The following PDE4D variants were observed in gnomAD, a reference collection of about 807,000 sequenced individuals.
PDE4D encodes the protein phosphodiesterase 4D.
Under a neutral mutation model 87.4 loss-of-function variants are expected in PDE4D, and 24 were observed. The ratio of observed to expected loss-of-function variants is 0.27; its 90% confidence interval spans 0.20 to 0.39. The LOEUF is 0.39. Ranked by LOEUF, PDE4D falls within the 10% of genes least tolerant of loss-of-function variation. The probability of loss-of-function intolerance (pLI) is 1.00; values close to 1 mark genes in which losing one functional copy is unlikely to be tolerated. For synonymous variants in PDE4D, 384 were observed against 383.2 expected (o/e 1.00, Z -0.02); for missense variants, 714 against 1,041.0 (o/e 0.69, Z 4.32).
chr5:59,522,197 T>A (rs1265706110), intron 1 of PDE4D, among the ~76,000 whole-genome samples: 1 of 152,226 alleles, frequency 6.6e-6, no homozygotes, highest in African/African-American at 2.4e-5. Context: ...ATGGCTATCA[T>A]TTAAATATTT....
At chr5:60,407,290 C>T (rs1485987417) in intron 1 of PDE4D, among the ~76,000 whole-genome samples, 1 of 151,920 alleles carries the variant, frequency 6.6e-6, no homozygotes, top group Non-Finnish European at 1.5e-5. Context: ...CATCAAAACA[C>T]TCTAGCTGCA....
chr5:59,417,892 G>A (rs1400129729), intron 1 of PDE4D, among the ~76,000 whole-genome samples: 3 of 152,130 alleles, frequency 2.0e-5, no homozygotes, highest in African/African-American at 4.8e-5. Context: ...ACCATTCCAC[G>A]TTAGGCCCTA....
At chr5:60,308,183 A>T (rs1754677191) in intron 1 of PDE4D, among the ~76,000 whole-genome samples, 5 of 152,254 alleles carry the variant, frequency 3.3e-5, no homozygotes, top group Admixed American at 3.3e-4. Flanking sequence ...CCATTGAGAA[A>T]AAAGAGAATA....
chr5:59,861,679 A>C (rs1352696580), intron 1 of PDE4D, among the ~76,000 whole-genome samples: 1 of 152,216 alleles, frequency 6.6e-6, no homozygotes, highest in African/African-American at 2.4e-5. Context: ...ACAGTGTTGG[A>C]CAAAAACTTC....
intron 1 of PDE4D, among the ~76,000 whole-genome samples, chr5:60,340,885 G>GAA (rs11392354): frequency 1.3e-5 from 2 of 151,810 alleles, no homozygotes; most frequent in African/African-American, 2.4e-5. Flanking sequence ...ATAGAAAAAA[G>GAA]AAAAAATAAT....
At chr5:60,473,173 AAGGAAGG>A (rs1747979388) in intron 1 of PDE4D, among the ~76,000 whole-genome samples, 1 of 137,848 alleles carries the variant, frequency 7.3e-6, no homozygotes, top group Non-Finnish European at 1.6e-5. Flanking sequence ...GGAAGGAAGG[AAGGAAGG>A]AAAAAGAAAG....
At chr5:58,989,944 C>T in intron 9 of PDE4D, 25 bp from the exon 10 acceptor site, 2 of 1,411,570 alleles carry the variant, frequency 1.4e-6, no homozygotes, top group Non-Finnish European at 2.0e-6. Flanking sequence ...ATCATCTTAA[C>T]ATTTTTGTCT....
At chr5:59,740,800 TGA>T (rs1758728298) in intron 1 of PDE4D, among the ~76,000 whole-genome samples, 1 of 152,182 alleles carries the variant, frequency 6.6e-6, no homozygotes, top group Admixed American at 6.6e-5. Flanking sequence ...ACTGAGCCTA[TGA>T]GGATTTAAGT....
At chr5:60,044,204 C>T (rs996733559) in intron 2 of PDE4D, among the ~76,000 whole-genome samples, 1 of 151,810 alleles carries the variant, frequency 6.6e-6, no homozygotes, top group African/African-American at 2.4e-5. Flanking sequence ...TGATGGACAC[C>T]CCAATTGCCC....
rs79498209 is a variant in PDE4D, at chr5:60,347,154, G to C, written c.-90+140788C>G. 9.6e-3 allele frequency among the ~76,000 whole-genome samples: 1,459 copies of C among 152,214 alleles called. 17 individuals carry two copies. Among genetic ancestry groups the C allele is most frequent in the African/African-American group, 0.034 (1,399 of 41,546 alleles). Reference sequence around the variant, plus strand: ...TAGGGTGGACAGGGTAGGTCCTTCTGAGGAGGACACTTAAGCTGTGAACTG... The same window carrying C: ...TAGGGTGGACAGGGTAGGTCCTTCTCAGGAGGACACTTAAGCTGTGAACTG... On this transcript the variant is annotated intron_variant, in intron 1 of 16. Coordinates refer to the PDE4D transcript ENST00000502484.
chr5:60,360,677 C>G (rs1407057451), intron 1 of PDE4D, among the ~76,000 whole-genome samples: 9 of 152,186 alleles, frequency 5.9e-5, no homozygotes, highest in African/African-American at 1.9e-4. Context: ...TCATCCATAC[C>G]TAATGCTATA....
At chr5:60,463,698 T>C (rs1747135012) in intron 1 of PDE4D, among the ~76,000 whole-genome samples, 1 of 152,170 alleles carries the variant, frequency 6.6e-6, no homozygotes, top group Non-Finnish European at 1.5e-5. Context: ...TTTTTCTTGG[T>C]CTATTCCTAC....
intron 1 of PDE4D, among the ~76,000 whole-genome samples, chr5:60,380,443 A>G (rs1319238277): frequency 6.6e-6 from 1 of 152,214 alleles, no homozygotes; most frequent in East Asian, 1.9e-4. Context: ...TATATGCACC[A>G]CTTTCAAGCA....
intron 1 of PDE4D, among the ~76,000 whole-genome samples, chr5:59,341,140 T>G (rs562210320): frequency 6.6e-6 from 1 of 152,304 alleles, no homozygotes; most frequent in South Asian, 2.1e-4. Context: ...AAGTGCTCTA[T>G]GGCTACTAGC....
chr5:60,056,322 A>T (rs1251142033), intron 2 of PDE4D, among the ~76,000 whole-genome samples: 1 of 152,028 alleles, frequency 6.6e-6, no homozygotes, highest in Non-Finnish European at 1.5e-5. Flanking sequence ...AGAGGCACCA[A>T]CCCCCAAACA....
intron 1 of PDE4D, among the ~76,000 whole-genome samples, chr5:59,709,708 G>T (rs1346881980): frequency 6.6e-6 from 1 of 152,170 alleles, no homozygotes; most frequent in East Asian, 1.9e-4. Flanking sequence ...TCCTACTGAG[G>T]GGAGGAGGAG....
chr5:59,379,312 G>A (rs977970641), intron 1 of PDE4D, among the ~76,000 whole-genome samples: 2 of 152,076 alleles, frequency 1.3e-5, no homozygotes, highest in East Asian at 3.9e-4. Context: ...AAAAAGTGCT[G>A]TCAGAATGCA....
intron 1 of PDE4D, among the ~76,000 whole-genome samples, chr5:60,359,880 T>C (rs1202943447): frequency 6.6e-6 from 1 of 152,194 alleles, no homozygotes; most frequent in Non-Finnish European, 1.5e-5. Context: ...TAGTGCCATA[T>C]TTTCTTACCC....
intron 1 of PDE4D, among the ~76,000 whole-genome samples, chr5:60,473,194 AAAG>A (rs1747987311): frequency 6.8e-6 from 1 of 146,084 alleles, no homozygotes; most frequent in Admixed American, 6.7e-5. Flanking sequence ...AAGAAAGAAA[AAAG>A]AAAGAAAGAA....
Sources: allele counts gnomAD v4.1 joint callset (sites outside exome capture counted in the v4.1 genomes callset), GRCh38; gene constraint gnomAD v4.1.1; transcripts MANE v1.5; gene names NCBI Gene and HGNC (gene_info 2026-07-23, HGNC 2026-07-21).